EPHA3: variants seen among roughly 807,000 people sequenced by gnomAD.
EPHA3 encodes the protein EPH receptor A3.
A neutral mutation model predicts 107.1 loss-of-function variants in EPHA3; 42 were observed. That is an observed-to-expected ratio of 0.39 (90% CI 0.31 to 0.51). The LOEUF (loss-of-function observed/expected upper bound fraction) is 0.51, where lower values mean the gene tolerates loss of function less well. EPHA3 is among the 20% of genes least tolerant of loss of function. The pLI is 0.78. For missense variants in EPHA3, 1,183 were observed against 1,211.2 expected, an observed-to-expected ratio of 0.98 and a Z score of 0.35; for synonymous variants, 461 against 424.8, an observed-to-expected ratio of 1.09 and a Z score of -1.05.
At chr3:89,437,594 A>G (rs1389361793) in intron 13 of EPHA3, among the ~76,000 whole-genome samples, 2 of 152,140 alleles carry the variant, frequency 1.3e-5, no homozygotes, top group African/African-American at 2.4e-5. Flanking sequence ...TGATTTTTCA[A>G]TTTTTGCTTC....
chr3:89,189,330 C>T (rs2107136670), intron 2 of EPHA3, among the ~76,000 whole-genome samples: 1 of 152,278 alleles, frequency 6.6e-6, no homozygotes, highest in South Asian at 2.1e-4. Flanking sequence ...CACGGTGGCT[C>T]ACGTCTGTAA....
chr3:89,393,932 G>A (rs1249705396), intron 5 of EPHA3, among the ~76,000 whole-genome samples: 1 of 151,778 alleles, frequency 6.6e-6, no homozygotes, highest in East Asian at 1.9e-4. Context: ...TTGCAGGGTT[G>A]TGGGGGTGAA....
intron 2 of EPHA3, among the ~76,000 whole-genome samples, chr3:89,160,401 A>G (rs1282541971): frequency 6.6e-6 from 1 of 152,098 alleles, no homozygotes; most frequent in Non-Finnish European, 1.5e-5. Context: ...TTGTTTGGAG[A>G]ATAAAATGAG....
At chr3:89,268,189 C>T (rs1208192113) in intron 3 of EPHA3, among the ~76,000 whole-genome samples, 1 of 152,030 alleles carries the variant, frequency 6.6e-6, no homozygotes, top group Non-Finnish European at 1.5e-5. Flanking sequence ...TTCACTTGCC[C>T]CAGCCCACAC....
intron 5 of EPHA3, among the ~76,000 whole-genome samples, chr3:89,390,524 C>T (rs1402513690): frequency 1.3e-5 from 2 of 148,934 alleles, no homozygotes; most frequent in Admixed American, 6.9e-5. Flanking sequence ...TGCTTGAACC[C>T]GGGAGGCAAA....
intron 3 of EPHA3, among the ~76,000 whole-genome samples, chr3:89,251,872 T>C (rs1291667585): frequency 3.3e-5 from 5 of 152,164 alleles, no homozygotes; most frequent in Non-Finnish European, 7.4e-5. Context: ...CATTTTACCA[T>C]TCCAAGTATT....
intron 1 of EPHA3, among the ~76,000 whole-genome samples, chr3:89,116,973 G>A (rs1295092334): frequency 1.3e-5 from 2 of 151,776 alleles, no homozygotes; most frequent in Non-Finnish European, 2.9e-5. Context: ...CTCAAATCAA[G>A]GCAAATGTAA....
intron 2 of EPHA3, among the ~76,000 whole-genome samples, chr3:89,161,012 A>G (rs150948010): frequency 5.3e-4 from 81 of 152,280 alleles, no homozygotes; most frequent in African/African-American, 1.9e-3. Context: ...AATGCATTTA[A>G]AAATTAGCAG....
At chr3:89,352,589 A>G (rs566153781) in intron 5 of EPHA3, among the ~76,000 whole-genome samples, 2 of 151,250 alleles carry the variant, frequency 1.3e-5, no homozygotes, top group African/African-American at 4.8e-5. Flanking sequence ...GTAAAATATT[A>G]GAGCCCTTTG....
rs1015732950 is a variant in EPHA3, at chr3:89,482,132, G to A, written c.*2630G>A. The A allele has an allele frequency of 5.1e-6, 1 of 194,616 alleles. No homozygotes were observed. Among genetic ancestry groups the A allele is most frequent in the Non-Finnish European group, 1.1e-5 (1 of 93,080 alleles). The allele number at this position is 194,616 out of a possible 1,614,324, so 12.1% of individuals were successfully genotyped here. On this transcript the variant is annotated 3_prime_UTR_variant, in exon 17 of 17. Transcript: ENST00000336596. ...TAATGAAAATATTTTTTACAGATTG[G>A]AATACAGAAGTGGTCTTTGAAGTTT...
At chr3:89,343,575 A>G (rs760555976) in intron 5 of EPHA3, among the ~76,000 whole-genome samples, 1 of 152,174 alleles carries the variant, frequency 6.6e-6, no homozygotes, top group Non-Finnish European at 1.5e-5. Context: ...CCCCATGCCA[A>G]TGGATAGATA....
At chr3:89,292,540 T>C (rs2107331703) in intron 3 of EPHA3, among the ~76,000 whole-genome samples, 2 of 152,316 alleles carry the variant, frequency 1.3e-5, no homozygotes, top group Middle Eastern at 6.8e-3. Flanking sequence ...ATACCTTTAT[T>C]GAATAAAATG....
chr3:89,411,793 A>T (rs947773728), intron 9 of EPHA3, among the ~76,000 whole-genome samples: 22 of 151,856 alleles, frequency 1.4e-4, no homozygotes, highest in African/African-American at 5.1e-4. Flanking sequence ...AGTCTCCACA[A>T]CTATTTAATA....
intron 5 of EPHA3, among the ~76,000 whole-genome samples, chr3:89,356,001 A>T (rs898446098): frequency 1.1e-5 from 1 of 88,394 alleles, no homozygotes; most frequent in Non-Finnish European, 2.1e-5. Context: ...ACCCCACAAC[A>T]GTCCCCAGAG....
intron 15 of EPHA3, among the ~76,000 whole-genome samples, chr3:89,456,345 G>A (rs1023658516): frequency 3.3e-5 from 5 of 152,090 alleles, no homozygotes; most frequent in African/African-American, 9.7e-5. Flanking sequence ...GTTTATACAC[G>A]TACCCTGTAG....
intron 2 of EPHA3, among the ~76,000 whole-genome samples, chr3:89,189,498 CAGG>C (rs1312679301): frequency 6.6e-6 from 1 of 152,150 alleles, no homozygotes; most frequent in Non-Finnish European, 1.5e-5. Flanking sequence ...GAGGCTGAGG[CAGG>C]AGAATTGCTT....
At chr3:89,444,700 T>G (rs1217065506) in intron 13 of EPHA3, among the ~76,000 whole-genome samples, 1 of 152,098 alleles carries the variant, frequency 6.6e-6, no homozygotes, top group East Asian at 1.9e-4. Context: ...TGGCTTTATA[T>G]ATATTATAAA....
intron 7 of EPHA3, 55 bp downstream of exon 7, chr3:89,399,535 G>C (rs370940661): frequency 5.0e-6 from 8 of 1,594,386 alleles, no homozygotes; most frequent in South Asian, 1.1e-5. Flanking sequence ...TGCAAAAGAT[G>C]TCTGATCGTT....
intron 3 of EPHA3, among the ~76,000 whole-genome samples, chr3:89,212,667 G>T (rs766918014): frequency 2.6e-5 from 4 of 151,714 alleles, no homozygotes; most frequent in African/African-American, 4.8e-5. Context: ...GGAGGGGAGA[G>T]ATGAGGACGC....
Sources: allele counts gnomAD v4.1 joint callset (sites outside exome capture counted in the v4.1 genomes callset), GRCh38; gene constraint gnomAD v4.1.1; transcripts MANE v1.5; gene names NCBI Gene and HGNC (gene_info 2026-07-23, HGNC 2026-07-21).